The following RBFOX1 variants were observed in gnomAD, a reference collection of about 807,000 sequenced individuals.
The protein encoded by RBFOX1 is RNA binding fox-1 homolog 1, also known as RNA binding protein fox-1 homolog 1.
RBFOX1 carries 8 observed loss-of-function variants against 57.7 expected under a neutral mutation model. The ratio of observed to expected loss-of-function variants is 0.14; its 90% CI spans 0.08 to 0.25. The LOEUF is 0.25. Among genes scored for constraint, RBFOX1 ranks in the 10% least tolerant of loss-of-function variants. The probability of loss-of-function intolerance (pLI) is 1.00; values close to 1 mark genes in which losing one functional copy is unlikely to be tolerated. For synonymous variants in RBFOX1, 326 were observed against 222.4 expected, an observed-to-expected ratio of 1.47 and a Z score of -4.15; for missense variants, 611 against 548.5, an observed-to-expected ratio of 1.11 and a Z score of -1.14.
intron 3 of RBFOX1, among the ~76,000 whole-genome samples, chr16:6,778,857 C>T (rs2079842534): frequency 6.8e-6 from 1 of 146,950 alleles, no homozygotes; most frequent in African/African-American, 2.6e-5. Context: ...ATACACCACA[C>T]ACTCTAGTTT....
chr16:6,223,311 C>T (rs2097390446), intron 1 of RBFOX1, among the ~76,000 whole-genome samples: 2 of 150,466 alleles, frequency 1.3e-5, no homozygotes, highest in Non-Finnish European at 3.0e-5. Context: ...GTTTACAGTC[C>T]CAACAACAGT....
chr16:7,680,450 C>T (rs1031051547), intron 14 of RBFOX1, among the ~76,000 whole-genome samples: 1 of 152,108 alleles, frequency 6.6e-6, no homozygotes, highest in African/African-American at 2.4e-5. Context: ...ATGAAAATGT[C>T]CCTCCACGTC....
chr16:7,268,407 T>A (rs904337365), intron 4 of RBFOX1, among the ~76,000 whole-genome samples: 8 of 152,244 alleles, frequency 5.3e-5, no homozygotes, highest in African/African-American at 1.9e-4. Flanking sequence ...TGGTTTTCGA[T>A]GCCTGAGTTA....
chr16:5,918,095 AAC>A (rs1199174269), intron 4 of RBFOX1, among the ~76,000 whole-genome samples: 1 of 152,118 alleles, frequency 6.6e-6, no homozygotes, highest in Non-Finnish European at 1.5e-5. Flanking sequence ...CAGTTCTCTT[AAC>A]ACAACTGCAG....
chr16:7,482,360 G>A (rs1216302963), intron 4 of RBFOX1, among the ~76,000 whole-genome samples: 1 of 152,066 alleles, frequency 6.6e-6, no homozygotes, highest in Non-Finnish European at 1.5e-5. Context: ...GGCTCAAAGA[G>A]GCTTGTTCAG....
At chr16:6,594,947 C>T (rs1279337875) in intron 2 of RBFOX1, among the ~76,000 whole-genome samples, 1 of 152,110 alleles carries the variant, frequency 6.6e-6, no homozygotes, top group Non-Finnish European at 1.5e-5. Flanking sequence ...TGCCACCACA[C>T]CGGGCTAATT....
At chr16:7,299,951 C>A (rs978880865) in intron 4 of RBFOX1, among the ~76,000 whole-genome samples, 1 of 152,184 alleles carries the variant, frequency 6.6e-6, no homozygotes, top group Admixed American at 6.5e-5. Flanking sequence ...GTGACCCCAT[C>A]GCAAGTCAGG....
chr16:6,290,009 T>G (rs11077022), intron 1 of RBFOX1, among the ~76,000 whole-genome samples: 82,835 of 151,958 alleles, frequency 0.55, 25,271 homozygotes, highest in East Asian at 0.8. Context: ...AACAAGATCA[T>G]TAGAGATAAC....
chr16:6,192,383 G>T (rs776866359), intron 1 of RBFOX1, among the ~76,000 whole-genome samples: 7 of 152,118 alleles, frequency 4.6e-5, no homozygotes, highest in African/African-American at 9.7e-5. Context: ...GATGAATAAT[G>T]TCATTCTTAG....
At chr16:6,265,539 G>C (rs2074374017) in intron 1 of RBFOX1, among the ~76,000 whole-genome samples, 1 of 152,196 alleles carries the variant, frequency 6.6e-6, no homozygotes, top group Admixed American at 6.5e-5. Context: ...TGGGATTACA[G>C]GTATGAGCCA....
At chr16:6,959,999 A>G (rs950166774) in intron 3 of RBFOX1, among the ~76,000 whole-genome samples, 2 of 152,158 alleles carry the variant, frequency 1.3e-5, no homozygotes, top group Non-Finnish European at 1.5e-5. Flanking sequence ...CTGAAATGTA[A>G]CAAAAACCCC....
At chr16:6,393,410 A>G (rs1244812547) in intron 2 of RBFOX1, among the ~76,000 whole-genome samples, 4 of 152,182 alleles carry the variant, frequency 2.6e-5, no homozygotes, top group Admixed American at 2.6e-4. Flanking sequence ...TATTGTGGGC[A>G]TTTGGGTGTT....
At chr16:6,559,664 A>T (rs556301325) in intron 2 of RBFOX1, among the ~76,000 whole-genome samples, 1 of 152,300 alleles carries the variant, frequency 6.6e-6, no homozygotes, top group Admixed American at 6.5e-5. Context: ...ATACCCACAC[A>T]CACAAATAAG....
At chr16:7,413,270 T>C (rs1353305989) in intron 4 of RBFOX1, among the ~76,000 whole-genome samples, 1 of 152,016 alleles carries the variant, frequency 6.6e-6, no homozygotes, top group East Asian at 1.9e-4. Context: ...ACACTGATTC[T>C]CGCCTGTAAA....
At chr16:5,549,004 A>G (rs2045347075) in intron 2 of RBFOX1, among the ~76,000 whole-genome samples, 1 of 152,356 alleles carries the variant, frequency 6.6e-6, no homozygotes, top group South Asian at 2.1e-4. Context: ...TTGGATGTGG[A>G]TGCTGATACA....
chr16:6,402,962 TA>T (rs1241506939), intron 2 of RBFOX1, among the ~76,000 whole-genome samples: 2 of 152,238 alleles, frequency 1.3e-5, no homozygotes, highest in Admixed American at 6.5e-5. Flanking sequence ...CATCACATTT[TA>T]AAACCTTCAA....
chr16:5,414,351 A>G (rs1309802119), intron 1 of RBFOX1, among the ~76,000 whole-genome samples: 1 of 152,044 alleles, frequency 6.6e-6, no homozygotes, highest in Non-Finnish European at 1.5e-5. Flanking sequence ...CCGTCCTCCG[A>G]CACTGTGGGT....
chr16:6,956,481 TG>T (rs2081872077), intron 3 of RBFOX1, among the ~76,000 whole-genome samples: 1 of 152,088 alleles, frequency 6.6e-6, no homozygotes, highest in Non-Finnish European at 1.5e-5. Flanking sequence ...CTCAAAGAGA[TG>T]GTATTGAAGA....
At chr16:7,056,704 A>G (rs775057399) in intron 4 of RBFOX1, among the ~76,000 whole-genome samples, 1 of 152,194 alleles carries the variant, frequency 6.6e-6, no homozygotes, top group East Asian at 1.9e-4. Flanking sequence ...ATTTGATTAC[A>G]AAGGGATCTT....
Sources: gnomAD v4.1 joint callset for allele counts (sites outside exome capture counted in the v4.1 genomes callset) on GRCh38, gnomAD v4.1.1 for gene constraint, MANE v1.5 for transcripts, NCBI Gene and HGNC (gene_info 2026-07-23, HGNC 2026-07-21) for gene names.